CHD5: variants seen among roughly 807,000 people sequenced by gnomAD.
CHD5 encodes the protein ATP-dependent chromatin remodeler CHD5.
A neutral mutation model predicts 230.3 loss-of-function variants in CHD5; 69 were observed. The ratio of observed to expected loss-of-function variants is 0.30; its 90% CI spans 0.25 to 0.37. The LOEUF (loss-of-function observed/expected upper bound fraction) is 0.37, where lower values mean the gene tolerates loss of function less well. CHD5 is among the 10% of genes least tolerant of loss of function. The pLI, the probability that CHD5 is intolerant of heterozygous loss-of-function variation, is 1.00. For missense variants in CHD5, 1,827 were observed against 2,622.8 expected (o/e 0.70, Z 6.63); for synonymous variants, 1,064 against 1,065.9 (o/e 1.00, Z 0.03).
At position 6,151,020 on chromosome 1, in the gene CHD5, G is replaced by C. The variant is rs772877281; in HGVS notation, c.994+12C>G. On this transcript the variant is annotated intron_variant, in intron 7 of 41. Coordinates refer to ENST00000262450, the MANE Select transcript of CHD5 (RefSeq NM_015557.3). ...CCAGCAGGCCAAGAACTCTCTGGAA[G>C]GGGAGTCATACTCCTCTTCTTCTTG... 1 of 1,536,036 alleles carries C rather than the reference G, an allele frequency of 6.5e-7. No individual in the cohort carries two copies. The highest frequency in any genetic ancestry group is 1.4e-5 in the African/African-American group (1 of 72,812).
chr1:6,135,016 C>T (rs1666717152), intron 18 of CHD5, among the ~76,000 whole-genome samples, 157 bp from the exon 19 acceptor site: 1 of 152,172 alleles, frequency 6.6e-6, no homozygotes. Context: ...TGGAGTCCCC[C>T]TGCAAGTGAC....
chr1:6,149,781 G>A (rs1413781982), intron 7 of CHD5, among the ~76,000 whole-genome samples: 2 of 151,420 alleles, frequency 1.3e-5, no homozygotes, highest in Non-Finnish European at 2.9e-5. Flanking sequence ...ATGGATGGAT[G>A]GATGGATGGA....
chr1:6,178,357 GAC>G (rs998995239), intron 1 of CHD5, among the ~76,000 whole-genome samples: 1 of 152,046 alleles, frequency 6.6e-6, no homozygotes, highest in Non-Finnish European at 1.5e-5. Context: ...AGATGGGAAA[GAC>G]AGCCAGGGGA....
In CHD5 at chr1:6,136,612, C is replaced by T; in HGVS notation, c.2601G>A (p.Lys867=). Residue 867 remains lysine, a synonymous_variant, in exon 17 of 42, where the codon AAG becomes AAA. Transcript: ENST00000262450. The part of the protein sequence containing the change: ...SKFFRVLNSY[K]IDYKLLLTGT... ...CTGTCAGCAGCAGCTTGTAATCAAT[C>T]TTGTAGCTGTTTAAGACCCTAAAAA... is the stretch of plus-strand genomic sequence containing the variant. 1 of 1,614,150 alleles carries T rather than the reference C, an allele frequency of 6.2e-7. No individual in the cohort carries two copies. The highest frequency in any genetic ancestry group is 8.5e-7 in the Non-Finnish European group (1 of 1,180,024).
intron 3 of CHD5, 41 bp downstream of exon 3, chr1:6,159,295 G>A (rs144372061): frequency 5.8e-6 from 9 of 1,549,492 alleles, no homozygotes; most frequent in Middle Eastern, 1.7e-4. Context: ...CCCTTAAAGG[G>A]GGATGTCGCT....
rs139581412 is a variant in CHD5 at position 6,111,775 on chromosome 1, G to A, written c.5249C>T (p.Thr1750Met). The A allele has an allele frequency of 6.7e-4, 1,073 of 1,613,006 alleles. No individual in the cohort carries two copies. Among genetic ancestry groups the A allele is most frequent in the Admixed American group, 1.3e-3 (81 of 60,016 alleles). ...CCCAGCCCGGCCTGGCCAAGGATAC[G>A]TCACGATGCCCGCCAGCAGCCAGTA... ...HDYWLLAGIV[T>M]HGYARWQDIQ... is the part of the protein sequence containing the mutation. The change falls in exon 36 of 42, where the codon ACG (threonine) becomes ATG (methionine). Residue 1750 changes from threonine (T) to methionine (M), a missense_variant and splice_region_variant. Transcript: ENST00000262450.
At chr1:6,115,265 G>T (rs1356589234) in intron 33 of CHD5, among the ~76,000 whole-genome samples, 1 of 147,930 alleles carries the variant, frequency 6.8e-6, no homozygotes, top group African/African-American at 2.5e-5. Context: ...AAAAAAAAAA[G>T]AAAGGAAACA....
chr1:6,158,135 C>T (rs945437796), intron 3 of CHD5, among the ~76,000 whole-genome samples: 10 of 152,250 alleles, frequency 6.6e-5, no homozygotes, highest in African/African-American at 2.4e-4. Flanking sequence ...TGCCTGTCCA[C>T]CAACCTCACC....
intron 1 of CHD5, among the ~76,000 whole-genome samples, chr1:6,174,492 G>A (rs1667388523): frequency 6.7e-6 from 1 of 148,408 alleles, no homozygotes; most frequent in African/African-American, 2.6e-5. Flanking sequence ...GTAGATGGAT[G>A]GATAGATGGA....
At chr1:6,175,159 T>C (rs1307230876) in intron 1 of CHD5, among the ~76,000 whole-genome samples, 2 of 148,262 alleles carry the variant, frequency 1.3e-5, no homozygotes, top group East Asian at 4.1e-4. Flanking sequence ...GATGGATGGA[T>C]GGTGGGCGGA....
At chr1:6,123,787 T>C (rs59073941) in intron 31 of CHD5, among the ~76,000 whole-genome samples, 161 bp downstream of exon 31, 35,231 of 152,044 alleles carry the variant, frequency 0.23, 4,714 homozygotes, top group South Asian at 0.4. Context: ...GTAACTGTCA[T>C]TAAAATGGAA....
intron 5 of CHD5, among the ~76,000 whole-genome samples, chr1:6,153,891 T>A (rs1197193701): frequency 2.0e-5 from 3 of 151,734 alleles, no homozygotes; most frequent in Non-Finnish European, 4.4e-5. Flanking sequence ...TGCAGGTGAC[T>A]GACAGCCCTG....
In CHD5 at chr1:6,134,097, G is replaced by A. The variant is rs771054945; in HGVS notation, c.3144+31C>T. 1 of 1,602,538 alleles carries A rather than the reference G, an allele frequency of 6.2e-7. No individual in the cohort carries two copies. Among genetic ancestry groups the A allele is most frequent in the Non-Finnish European group, 8.5e-7 (1 of 1,176,846 alleles). ...CAGGATGCTCTCTGTGGGGTGTGGAGCCGGGGCGGGGGTGGGCAGGGGCAG... is the reference window on the plus strand; with the variant it reads ...CAGGATGCTCTCTGTGGGGTGTGGAACCGGGGCGGGGGTGGGCAGGGGCAG... On this transcript the variant is annotated intron_variant, in intron 20 of 41. Coordinates refer to ENST00000262450, the MANE Select transcript of CHD5 (RefSeq NM_015557.3). The surrounding 1 kb of genome is among the most constrained non-coding windows in gnomAD (Gnocchi z 6.3).
chr1:6,136,774 C>G lies in CHD5; in HGVS notation c.2528G>C (p.Cys843Ser), dbSNP rs774557215. 31 of 1,613,700 alleles carry G rather than the reference C, an allele frequency of 1.9e-5. No homozygotes were observed. The highest frequency in any genetic ancestry group is 2.6e-5 in the Non-Finnish European group (31 of 1,179,672). Residue 843 changes from cysteine to serine, a missense_variant, in exon 16 of 42, where the codon TGC (cysteine) becomes TCC (serine). Around this residue, in one of 14 missense-constraint regions of CHD5, gnomAD observed 52 missense variants for 164.5 expected, o/e 0.32. Coordinates refer to ENST00000262450, the MANE Select transcript of CHD5 (RefSeq NM_015557.3). ...QAILGSIEWA[C>S]LVVDEAHRLK... is the part of the protein sequence containing the mutation. Reference sequence around the variant, plus strand: ...GCGGTGGGCCTCATCTACCACCAGGCAGGCCCACTCGATGGAGCCCAGGAT... The same window carrying G: ...GCGGTGGGCCTCATCTACCACCAGGGAGGCCCACTCGATGGAGCCCAGGAT...
rs1163778853 is a variant in CHD5, at chr1:6,158,165, C to G, written c.387+1171G>C. Among the ~76,000 whole-genome samples, 5 of 152,320 alleles carry G rather than the reference C, an allele frequency of 3.3e-5. No homozygotes were observed. In the East Asian group the frequency reaches 9.6e-4, roughly 29 times the overall value. On this transcript the variant is annotated intron_variant, in intron 3 of 41. Coordinates refer to ENST00000262450, the MANE Select transcript of CHD5 (RefSeq NM_015557.3). ...CTCACCCCTGGCCTCTCCATCTCCC[C>G]AAGGAGCCCCAGGGTGCAGCCTCTG...
chr1:6,119,815 GTA>G (rs61439145), intron 33 of CHD5, among the ~76,000 whole-genome samples: 2 of 148,888 alleles, frequency 1.3e-5, no homozygotes, highest in Non-Finnish European at 3.0e-5. Flanking sequence ...ACATATATAC[GTA>G]TATATATACG....
At chr1:6,117,091 A>AG (rs1666389634) in intron 33 of CHD5, among the ~76,000 whole-genome samples, 1 of 152,172 alleles carries the variant, frequency 6.6e-6, no homozygotes, top group African/African-American at 2.4e-5. Context: ...AAATGAGTTG[A>AG]GGGGGAAAAG....
Position 6,125,167 on chromosome 1 carries a change from G to A in CHD5, c.4327C>T (p.Pro1443Ser), listed in dbSNP as rs1278720940. 1 of 1,607,144 alleles carries A rather than the reference G, an allele frequency of 6.2e-7. No homozygotes were observed. Among genetic ancestry groups the A allele is most frequent in the Non-Finnish European group, 8.5e-7 (1 of 1,177,478 alleles). The change falls in exon 29 of 42, where the codon CCG becomes TCG. Residue 1443 changes from proline to serine, a missense_variant. This residue lies in a region of CHD5 where 108 missense variants were observed against 152.4 expected (regional missense o/e 0.71). Coordinates refer to ENST00000262450, the MANE Select transcript of CHD5 (RefSeq NM_015557.3). The surrounding 1 kb of genome is among the most constrained non-coding windows in gnomAD (Gnocchi z 6.7). Reference protein sequence around the residue: ...LNAIMRWGMPPQDAFNSHWLV... With the variant: ...LNAIMRWGMPSQDAFNSHWLV... ...CAGTGGGAGTTGAAGGCGTCCTGCG[G>A]GGGCATGCCCCAGCGCATGATGGCG...
In CHD5 at chr1:6,149,019, G is replaced by C. The variant is rs140895336; in HGVS notation, c.1218C>G (p.Gly406=). ...GGTCGTCCTCCTCCTCCTCGCAGCC[G>C]CCCTCCTCCTCTTCATCGTCGTCGT... The part of the protein sequence containing the change: ...PKDDDDEEEE[G]GCEEEEDDHM... Residue 406 remains glycine (G), a synonymous_variant, in exon 9 of 42, where the codon GGC becomes GGG. Coordinates refer to ENST00000262450, the MANE Select transcript of CHD5 (RefSeq NM_015557.3). 1 of 1,600,278 alleles carries C rather than the reference G, an allele frequency of 6.2e-7. No individual in the cohort carries two copies. Among genetic ancestry groups the C allele is most frequent in the African/African-American group, 1.3e-5 (1 of 74,380 alleles).
Sources: gnomAD v4.1 joint callset for allele counts (sites outside exome capture counted in the v4.1 genomes callset) on GRCh38, gnomAD v4.1.1 for gene constraint, gnomAD v4.1.1 regional missense constraint, Gnocchi (gnomAD v3.1) non-coding constraint, MANE v1.5 for transcripts, NCBI Gene and HGNC (gene_info 2026-07-23, HGNC 2026-07-21) for gene names.